The following BCHE variants were observed in gnomAD, a reference collection of about 807,000 sequenced individuals.
BCHE encodes the protein cholinesterase.
BCHE carries 48 observed loss-of-function variants against 51.3 expected under a neutral mutation model. The ratio of observed to expected loss-of-function variants is 0.94; its 90% CI spans 0.74 to 1.19. The LOEUF is 1.19. Among genes scored for constraint, BCHE ranks in the 50% most tolerant of loss-of-function variants. The probability of loss-of-function intolerance (pLI) is 0.00; values close to 1 mark genes in which losing one functional copy is unlikely to be tolerated. For synonymous variants in BCHE, 251 were observed against 238.0 expected (o/e 1.05, Z -0.50); for missense variants, 847 against 708.2 (o/e 1.20, Z -2.23).
At chr3:165,814,054 A>G (rs1325759966) in intron 2 of BCHE, among the ~76,000 whole-genome samples, 1 of 152,038 alleles carries the variant, frequency 6.6e-6, no homozygotes, top group Non-Finnish European at 1.5e-5. Context: ...TTTCATTATA[A>G]TAAATATAGG....
At chr3:165,780,125 GTTC>G in intron 3 of BCHE, among the ~76,000 whole-genome samples, 1 of 152,176 alleles carries the variant, frequency 6.6e-6, no homozygotes, top group Non-Finnish European at 1.5e-5. Flanking sequence ...ACAACCATTT[GTTC>G]TTTGACAAAC....
Position 165,773,440 on chromosome 3 carries a change from T to G in BCHE, c.1751A>C (p.Asp584Ala), listed in dbSNP as rs1336827850. The G allele has an allele frequency of 4.3e-6, 7 of 1,610,124 alleles. No homozygotes were observed. The highest frequency in any genetic ancestry group is 5.9e-6 in the Non-Finnish European group (7 of 1,176,768). ...GFHRWNNYMMDWKNQFNDYTS... is the reference protein window; with the variant it reads ...GFHRWNNYMMAWKNQFNDYTS... ...GTAATCGTTAAATTGATTTTTCCAG[T>G]CCATCATGTAATTGTTCCAGCGATG... is the stretch of plus-strand genomic sequence containing the variant. The change falls in exon 4 of 4, where the codon GAC becomes GCC. Residue 584 changes from aspartate (D) to alanine (A), a missense_variant. Asp to Ala is a moderately radical substitution (Grantham distance 126, BLOSUM62 -2). Coordinates refer to ENST00000264381, the MANE Select transcript of BCHE (RefSeq NM_000055.4).
At chr3:165,790,664 A>T (rs1411691655) in intron 2 of BCHE, among the ~76,000 whole-genome samples, 1 of 152,210 alleles carries the variant, frequency 6.6e-6, no homozygotes, top group Non-Finnish European at 1.5e-5. Flanking sequence ...ATTAAACTTG[A>T]CTTTCTCTAA....
chr3:165,799,122 T>A (rs138393502), intron 2 of BCHE, among the ~76,000 whole-genome samples: 264 of 152,264 alleles, frequency 1.7e-3, no homozygotes, highest in African/African-American at 6.2e-3. Flanking sequence ...AACTTTTAAG[T>A]TAAAATATTT....
chr3:165,802,311 G>A lies in BCHE; in HGVS notation c.1518-16000C>T, dbSNP rs932059311. On this transcript the variant is annotated intron_variant, in intron 2 of 3. Transcript: ENST00000264381. ...ACAATTTGTCATATGGGCCCATTTA[G>A]ATAATGATAAGAAATTTAGATTTTA... 7.9e-5 allele frequency among the ~76,000 whole-genome samples: 12 copies of A among 152,266 alleles called. No homozygotes were observed. The South Asian group carries it at 8.3e-4, about 11-fold the overall frequency.
intron 2 of BCHE, among the ~76,000 whole-genome samples, chr3:165,816,511 T>A (rs564342833): frequency 6.6e-6 from 1 of 152,108 alleles, no homozygotes; most frequent in East Asian, 1.9e-4. Flanking sequence ...TGCCTCAAAT[T>A]GCAATTACTG....
intron 1 of BCHE, among the ~76,000 whole-genome samples, chr3:165,834,058 A>G (rs887677917): frequency 1.2e-4 from 18 of 152,108 alleles, no homozygotes; most frequent in African/African-American, 3.6e-4. Flanking sequence ...ATAGTTTTCA[A>G]ACTTGTTCTA....
At chr3:165,800,650 G>T (rs1489736684) in intron 2 of BCHE, among the ~76,000 whole-genome samples, 3 of 151,998 alleles carry the variant, frequency 2.0e-5, no homozygotes, top group Non-Finnish European at 4.4e-5. Flanking sequence ...GTGAAAAAAT[G>T]AGATTACTCT....
chr3:165,791,982 A>ATAAAATAAAATAAAG (rs1713186425), intron 2 of BCHE, among the ~76,000 whole-genome samples: 1 of 151,530 alleles, frequency 6.6e-6, no homozygotes, highest in Admixed American at 6.6e-5. Context: ...ATAAAATAAA[A>ATAAAATAAAATAAAG]TAAAATAAAG....
chr3:165,798,125 T>C (rs762774345), intron 2 of BCHE, among the ~76,000 whole-genome samples: 2 of 152,226 alleles, frequency 1.3e-5, no homozygotes, highest in African/African-American at 2.4e-5. Context: ...CAGTGTCTGA[T>C]AAAAGGCTGT....
rs1290303486 is a variant in BCHE, at chr3:165,789,818, CAG to C, written c.1518-3509_1518-3508del. 3.9e-5 allele frequency among the ~76,000 whole-genome samples: 6 copies of C among 151,978 alleles called. 1 individual carries two copies. In the East Asian group the frequency reaches 1.2e-3, roughly 29 times the overall value. On this transcript the variant is annotated intron_variant, in intron 2 of 3. Coordinates refer to ENST00000264381, the MANE Select transcript of BCHE (RefSeq NM_000055.4). ...TATAAGAAGACCTAAATTTAGAAAA[CAG>C]ATTCATTCCTTCATTCAACCATATT...
Position 165,836,145 on chromosome 3 carries a change from C to CA in BCHE, c.-9+1168dup, listed in dbSNP as rs1368174514. ...CTAGGACAATACAAACAAACAACAA[C>CA]AACAAAAAATTAGGAGAACAAAACA... On this transcript the variant is annotated intron_variant, in intron 1 of 3. Coordinates refer to ENST00000264381, the MANE Select transcript of BCHE (RefSeq NM_000055.4). Among the ~76,000 whole-genome samples the CA allele has an allele frequency of 2.6e-4, 39 of 151,014 alleles. No individual in the cohort carries two copies. In the East Asian group the frequency reaches 5.4e-3, roughly 21 times the overall value.
At chr3:165,780,653 T>C (rs547523418) in intron 3 of BCHE, among the ~76,000 whole-genome samples, 2 of 152,014 alleles carry the variant, frequency 1.3e-5, no homozygotes, top group Admixed American at 6.6e-5. Context: ...AACAAATGTA[T>C]GAAAAAAAGC....
At chr3:165,801,502 T>A (rs1044978875) in intron 2 of BCHE, among the ~76,000 whole-genome samples, 1 of 152,096 alleles carries the variant, frequency 6.6e-6, no homozygotes, top group South Asian at 2.1e-4. Flanking sequence ...GCATTTTATA[T>A]AAATACATCA....
At chr3:165,836,129 T>G (rs184542242) in intron 1 of BCHE, among the ~76,000 whole-genome samples, 52 of 151,802 alleles carry the variant, frequency 3.4e-4, no homozygotes, top group African/African-American at 1.3e-3. Flanking sequence ...ACTAGGACAA[T>G]ACAAACAAAC....
chr3:165,797,554 T>G (rs1235332172), intron 2 of BCHE, among the ~76,000 whole-genome samples: 1 of 151,694 alleles, frequency 6.6e-6, no homozygotes, highest in Non-Finnish European at 1.5e-5. Context: ...AGCCTAATGA[T>G]CTGTAGAAAG....
chr3:165,824,664 T>C (rs1033759196), intron 2 of BCHE, among the ~76,000 whole-genome samples: 1 of 152,016 alleles, frequency 6.6e-6, no homozygotes, highest in African/African-American at 2.4e-5. Context: ...TTGATAAATC[T>C]ACCAAACTTT....
At chr3:165,774,269 A>G (rs571544093) in intron 3 of BCHE, among the ~76,000 whole-genome samples, 1 of 152,218 alleles carries the variant, frequency 6.6e-6, no homozygotes, top group African/African-American at 2.4e-5. Context: ...TTAATGCATA[A>G]GGATAACTTT....
chr3:165,829,261 G>A (rs541715247), intron 2 of BCHE, among the ~76,000 whole-genome samples: 21 of 152,162 alleles, frequency 1.4e-4, no homozygotes, highest in African/African-American at 5.1e-4. Flanking sequence ...TAACATTGTT[G>A]AAATACTTTG....
Sources: allele counts gnomAD v4.1 joint callset (sites outside exome capture counted in the v4.1 genomes callset), GRCh38; gene constraint gnomAD v4.1.1; transcripts MANE v1.5; gene names NCBI Gene and HGNC (gene_info 2026-07-23, HGNC 2026-07-21).